The following CDH4 variants were observed in gnomAD, a reference collection of about 807,000 sequenced individuals.
CDH4 encodes the protein cadherin 4.
Under a neutral mutation model 86.0 loss-of-function variants are expected in CDH4, and 33 were observed. That is an observed-to-expected ratio of 0.38 (90% CI 0.29 to 0.51). The LOEUF (loss-of-function observed/expected upper bound fraction) is 0.51. Among genes scored for constraint, CDH4 ranks in the 20% least tolerant of loss-of-function variants. The probability of loss-of-function intolerance (pLI) is 0.86; values close to 1 mark genes in which losing one functional copy is unlikely to be tolerated. For synonymous variants in CDH4, 555 were observed against 549.4 expected (o/e 1.01, Z -0.14); for missense variants, 1,114 against 1,307.4 (o/e 0.85, Z 2.28).
intron 2 of CDH4, among the ~76,000 whole-genome samples, chr20:61,670,690 G>A (rs1395476763): frequency 6.6e-6 from 1 of 152,196 alleles, no homozygotes; most frequent in Non-Finnish European, 1.5e-5. Context: ...AAATCAAAGT[G>A]GTTTGTGAGG....
At chr20:61,455,203 T>C (rs556307381) in intron 2 of CDH4, among the ~76,000 whole-genome samples, 1 of 152,210 alleles carries the variant, frequency 6.6e-6, no homozygotes, top group East Asian at 1.9e-4. Context: ...AAGTCCAACT[T>C]TGAGATACAG....
intron 7 of CDH4, among the ~76,000 whole-genome samples, chr20:61,894,624 C>A (rs1378232215): frequency 6.6e-6 from 1 of 152,136 alleles, no homozygotes; most frequent in East Asian, 1.9e-4. Flanking sequence ...ATCTTGGCAC[C>A]AAACGTGATC....
At chr20:61,763,299 C>T (rs1022869426) in intron 3 of CDH4, among the ~76,000 whole-genome samples, 10 of 152,310 alleles carry the variant, frequency 6.6e-5, no homozygotes, top group Non-Finnish European at 1.3e-4. Context: ...GATGGCCCCC[C>T]ACAACTAATA....
intron 2 of CDH4, among the ~76,000 whole-genome samples, chr20:61,616,971 G>T (rs987619850): frequency 6.6e-6 from 1 of 152,172 alleles, no homozygotes; most frequent in East Asian, 1.9e-4. Context: ...CTGTGCGAAG[G>T]TGTCTCAGTG....
chr20:61,791,060 C>A (rs1239335389), intron 4 of CDH4, among the ~76,000 whole-genome samples: 2 of 149,266 alleles, frequency 1.3e-5, no homozygotes, highest in Non-Finnish European at 3.0e-5. Flanking sequence ...CCAGCTCCAG[C>A]TACTGTTTCA....
At chr20:61,325,758 C>T (rs559929771) in intron 2 of CDH4, among the ~76,000 whole-genome samples, 4 of 152,268 alleles carry the variant, frequency 2.6e-5, no homozygotes, top group African/African-American at 9.6e-5. Flanking sequence ...AAAAGCAGCG[C>T]TGTCTGTAAA....
intron 2 of CDH4, chr20:61,437,647 A>G (rs2085291897): frequency 6.6e-6 from 1 of 152,148 alleles, no homozygotes; most frequent in African/African-American, 2.4e-5. Context: ...TAAGGAAACG[A>G]GAGGGTTTTT....
At chr20:61,258,333 A>AAAAAAAAAAAAAAAAAAAAAG (rs2084110913) in intron 2 of CDH4, among the ~76,000 whole-genome samples, 2 of 133,732 alleles carry the variant, frequency 1.5e-5, no homozygotes, top group African/African-American at 5.8e-5. Flanking sequence ...CCGTCTCAAA[A>AAAAAAAAAAAAAAAAAAAAAG]AAAAAAAAAA....
chr20:61,867,611 T>A (rs1983610400), intron 6 of CDH4, among the ~76,000 whole-genome samples: 1 of 149,936 alleles, frequency 6.7e-6, no homozygotes, highest in Admixed American at 6.6e-5. Context: ...AAGTGGGGGA[T>A]TCCTGGGTGC....
intron 2 of CDH4, among the ~76,000 whole-genome samples, chr20:61,556,642 G>A (rs2086179669): frequency 6.6e-6 from 1 of 152,194 alleles, no homozygotes; most frequent in Non-Finnish European, 1.5e-5. Context: ...CTGACGACAT[G>A]CAGTCTGCAA....
At chr20:61,792,588 C>T (rs369185029) in intron 4 of CDH4, among the ~76,000 whole-genome samples, 1 of 152,086 alleles carries the variant, frequency 6.6e-6, no homozygotes, top group East Asian at 1.9e-4. Context: ...GTCTCTTAGT[C>T]CACCCCAAAA....
intron 3 of CDH4, among the ~76,000 whole-genome samples, chr20:61,753,801 C>T (rs1275090514): frequency 1.3e-5 from 2 of 152,224 alleles, no homozygotes; most frequent in Non-Finnish European, 1.5e-5. Context: ...CGGGTCCAGG[C>T]GCTGACCTGT....
intron 2 of CDH4, among the ~76,000 whole-genome samples, chr20:61,565,196 G>GTGA (rs1165196075): frequency 1.8e-4 from 10 of 54,222 alleles, no homozygotes; most frequent in South Asian, 7.7e-4. Flanking sequence ...GGTCCTCTTG[G>GTGA]TGGTGGTCGC....
At position 61,495,871 on chromosome 20, in the gene CDH4, C is replaced by G. The variant is rs2085657905; in HGVS notation, c.169+240934C>G. On this transcript the variant is annotated intron_variant, in intron 2 of 15. Transcript: ENST00000614565. The stretch of plus-strand genomic sequence containing the variant: ...TGAGCTGAGATAGTGCCACTGCACT[C>G]CAGCCTGGGCAACAGAGTGAGACTC... Among the ~76,000 whole-genome samples the G allele has an allele frequency of 2.8e-5, 4 of 144,726 alleles. No individual in the cohort carries two copies. In the South Asian group the frequency reaches 8.7e-4, roughly 32 times the overall value. 94.9% of individuals were successfully genotyped at this position (144,726 alleles called of 152,430 possible).
intron 2 of CDH4, among the ~76,000 whole-genome samples, chr20:61,429,646 G>A (rs1398476977): frequency 1.3e-5 from 2 of 151,680 alleles, no homozygotes; most frequent in Admixed American, 1.3e-4. Context: ...TAGATGGGTG[G>A]GTATCTGGAT....
chr20:61,892,628 G>A (rs759388746), intron 7 of CDH4, among the ~76,000 whole-genome samples: 12 of 152,228 alleles, frequency 7.9e-5, no homozygotes, highest in Non-Finnish European at 1.8e-4. Flanking sequence ...ATGGAGTGCT[G>A]TGGCCATGTT....
intron 2 of CDH4, among the ~76,000 whole-genome samples, chr20:61,573,512 G>A (rs886859435): frequency 2.6e-5 from 4 of 152,238 alleles, no homozygotes; most frequent in African/African-American, 7.2e-5. Context: ...GCACCATCAT[G>A]TCTGAGGGTC....
intron 2 of CDH4, among the ~76,000 whole-genome samples, chr20:61,483,729 T>A (rs550475722): frequency 3.9e-5 from 5 of 128,404 alleles, no homozygotes; most frequent in African/African-American, 1.5e-4. Context: ...TAAGACCTAG[T>A]GGATGCATGC....
chr20:61,743,830 AC>A, intron 3 of CDH4, 41 bp downstream of exon 3: 1 of 1,439,530 alleles, frequency 6.9e-7, no homozygotes, highest in Non-Finnish European at 9.5e-7. Flanking sequence ...AGTTTAGATG[AC>A]CTAGTTCCTC....
Sources: allele counts gnomAD v4.1 joint callset (sites outside exome capture counted in the v4.1 genomes callset), GRCh38; gene constraint gnomAD v4.1.1; transcripts MANE v1.5; gene names NCBI Gene and HGNC (gene_info 2026-07-23, HGNC 2026-07-21).